The following TMEM161B variants were observed in gnomAD, a reference collection of about 807,000 sequenced individuals.
The protein encoded by TMEM161B is transmembrane protein 161B.
In TMEM161B, 34 loss-of-function variants were observed where a neutral mutation model predicts 61.8. The ratio of observed to expected loss-of-function variants is 0.55; its 90% CI spans 0.42 to 0.73. The LOEUF is 0.73. Ranked by LOEUF, TMEM161B falls within the 30% of genes least tolerant of loss-of-function variation. The probability of loss-of-function intolerance (pLI) is 0.00; values close to 1 mark genes in which losing one functional copy is unlikely to be tolerated. For synonymous variants in TMEM161B, 167 were observed against 192.8 expected, an observed-to-expected ratio of 0.87 and a Z score of 1.11; for missense variants, 456 against 558.5, an observed-to-expected ratio of 0.82 and a Z score of 1.85.
At chr5:88,213,925 G>T (rs1747348542) in intron 5 of TMEM161B, among the ~76,000 whole-genome samples, 1 of 152,088 alleles carries the variant, frequency 6.6e-6, no homozygotes, top group African/African-American at 2.4e-5. Context: ...TTACTTCAGG[G>T]TATAATGTTT....
chr5:88,196,449 G>C lies in TMEM161B; in HGVS notation c.1226C>G (p.Thr409Ser). The C allele has an allele frequency of 6.2e-7, 1 of 1,611,818 alleles. No homozygotes were observed. Among genetic ancestry groups the C allele is most frequent in the Non-Finnish European group, 8.5e-7 (1 of 1,178,870 alleles). ...SWGIYPESIS[T>S]LPVDNSLLSN... ...CAGTAGACTATTATCCACTGGTAAG[G>C]TAGAGATAGATTCTGGATAAATACC... The change falls in exon 12 of 12, where the codon ACC becomes AGC. Residue 409 changes from threonine to serine, a missense_variant. Transcript: ENST00000296595.
chr5:88,190,125 G>A (rs1748640035), downstream of TMEM161B: 1 of 700,782 alleles, frequency 1.4e-6, no homozygotes, highest in Non-Finnish European at 2.6e-6. Flanking sequence ...CCCAGAGAAG[G>A]TACACACAAG....
chr5:88,253,035 C>T (rs556844777), intron 1 of TMEM161B, among the ~76,000 whole-genome samples: 3 of 152,018 alleles, frequency 2.0e-5, no homozygotes, highest in South Asian at 2.1e-4. Context: ...TGATGAAAGT[C>T]TGATGAAATA....
intron 1 of TMEM161B, among the ~76,000 whole-genome samples, chr5:88,242,725 T>G (rs1407827091): frequency 6.6e-6 from 1 of 151,820 alleles, no homozygotes; most frequent in Non-Finnish European, 1.5e-5. Flanking sequence ...ATGTTAGTAC[T>G]ATTTGTTTTT....
At chr5:88,206,944 C>T in intron 6 of TMEM161B, 85 bp downstream of exon 6, 1 of 1,118,326 alleles carries the variant, frequency 8.9e-7, no homozygotes, top group Non-Finnish European at 1.3e-6. Context: ...AGATATTTAT[C>T]AGACATAAAA....
intron 1 of TMEM161B, among the ~76,000 whole-genome samples, chr5:88,264,590 C>G (rs1756114562): frequency 6.6e-6 from 1 of 152,110 alleles, no homozygotes; most frequent in South Asian, 2.1e-4. Flanking sequence ...TGGGTATATA[C>G]CCAAAGGACT....
chr5:88,240,991 C>T lies in TMEM161B; in HGVS notation c.4-75G>A, dbSNP rs1752642469. On this transcript the variant is annotated intron_variant, in intron 1 of 11. Transcript: ENST00000296595. Reference sequence around the variant, plus strand: ...GGACATTGCTGGAAAACTTTCTGTACATTTTGAAAATTACATTTTAAGAAA... The same window carrying T: ...GGACATTGCTGGAAAACTTTCTGTATATTTTGAAAATTACATTTTAAGAAA... 5.9e-6 allele frequency: 6 copies of T among 1,011,180 alleles called. No individual in the cohort carries two copies. The Admixed American group carries it at 1.1e-4, about 18-fold the overall frequency. 62.6% of individuals were successfully genotyped at this position (1,011,180 alleles called of 1,614,324 possible).
intron 1 of TMEM161B, among the ~76,000 whole-genome samples, chr5:88,257,911 T>TA (rs1755177249): frequency 1.3e-5 from 2 of 152,168 alleles, no homozygotes; most frequent in Admixed American, 1.3e-4. Flanking sequence ...TCCATAGTTT[T>TA]AAAAAAGATC....
intron 1 of TMEM161B, among the ~76,000 whole-genome samples, chr5:88,243,600 G>A (rs1387190114): frequency 6.6e-6 from 1 of 151,770 alleles, no homozygotes; most frequent in Non-Finnish European, 1.5e-5. Flanking sequence ...ATAGTCCTTC[G>A]AATGTATATC....
intron 5 of TMEM161B, among the ~76,000 whole-genome samples, chr5:88,217,202 A>T (rs1361408927): frequency 6.6e-6 from 1 of 152,188 alleles, no homozygotes; most frequent in East Asian, 1.9e-4. Context: ...GGCTGCAGTG[A>T]ACTATGATCA....
At chr5:88,261,842 TTAGA>T (rs1193600967) in intron 1 of TMEM161B, among the ~76,000 whole-genome samples, 1 of 151,628 alleles carries the variant, frequency 6.6e-6, no homozygotes, top group African/African-American at 2.4e-5. Context: ...AAAAGTCCTG[TTAGA>T]TAACATAGAT....
At chr5:88,250,399 TTAA>T (rs1423173761) in intron 1 of TMEM161B, among the ~76,000 whole-genome samples, 5 of 152,256 alleles carry the variant, frequency 3.3e-5, no homozygotes, top group South Asian at 2.1e-4. Flanking sequence ...AAGCCTATCA[TTAA>T]TATTTCCCAT....
At chr5:88,237,387 C>T (rs1479579269) in intron 2 of TMEM161B, among the ~76,000 whole-genome samples, 3 of 152,030 alleles carry the variant, frequency 2.0e-5, no homozygotes, top group African/African-American at 7.2e-5. Context: ...CAGGGGACTC[C>T]AAGGTAGCAG....
chr5:88,228,761 T>C (rs931992291), intron 2 of TMEM161B, among the ~76,000 whole-genome samples: 1 of 152,182 alleles, frequency 6.6e-6, no homozygotes. Context: ...ATGCCATTTG[T>C]ATGTATATTT....
chr5:88,243,004 T>C (rs1752993535), intron 1 of TMEM161B, among the ~76,000 whole-genome samples: 1 of 151,734 alleles, frequency 6.6e-6, no homozygotes, highest in South Asian at 2.1e-4. Context: ...ATCAATTGCC[T>C]AATTTAAAAA....
At chr5:88,256,775 T>G (rs1437085230) in intron 1 of TMEM161B, among the ~76,000 whole-genome samples, 1 of 152,220 alleles carries the variant, frequency 6.6e-6, no homozygotes, top group Non-Finnish European at 1.5e-5. Flanking sequence ...ATAAAATAAA[T>G]GGATAAAGCA....
Position 88,268,793 on chromosome 5 carries a change from G to C in TMEM161B, c.-70C>G. On this transcript the variant is annotated 5_prime_UTR_variant, in exon 1 of 12. Coordinates refer to ENST00000296595, the MANE Select transcript of TMEM161B (RefSeq NM_153354.5). ...GGCAGTCCCAAACCTCTTACCTCCC[G>C]GTCCTTGAGCCGAGAGACTCTCAAA... is the stretch of plus-strand genomic sequence containing the variant. 6.2e-7 allele frequency: 1 copy of C among 1,612,042 alleles called. No individual in the cohort carries two copies. Among genetic ancestry groups the C allele is most frequent in the Non-Finnish European group, 8.5e-7 (1 of 1,178,802 alleles).
At chr5:88,190,010 T>C (rs1748623700) in exon 13 of TMEM161B, 1 of 698,430 alleles carries the variant, frequency 1.4e-6, no homozygotes, top group South Asian at 1.5e-5. Flanking sequence ...GCCCATTATC[T>C]GAGCCGATCC....
intron 4 of TMEM161B, chr5:88,221,644 A>G (rs969024731): frequency 2.9e-4 from 131 of 453,582 alleles, no homozygotes; most frequent in African/African-American, 2.3e-3. Context: ...TGAAATTAAC[A>G]TTCTTTGAAA....
Sources: allele counts gnomAD v4.1 joint callset (sites outside exome capture counted in the v4.1 genomes callset), GRCh38; gene constraint gnomAD v4.1.1; transcripts MANE v1.5; gene names NCBI Gene and HGNC (gene_info 2026-07-23, HGNC 2026-07-21).